ANO2: variants seen among roughly 807,000 people sequenced by gnomAD.
ANO2 encodes anoctamin 2.
Under a neutral mutation model 124.2 loss-of-function variants are expected in ANO2, and 101 were observed. The ratio of observed to expected loss-of-function variants is 0.81; its 90% CI spans 0.69 to 0.96. The LOEUF is 0.96. Among genes scored for constraint, ANO2 ranks in the 40% least tolerant of loss-of-function variants. The pLI is 0.00. For missense variants in ANO2, 1,293 were observed against 1,274.5 expected (o/e 1.01, Z -0.22); for synonymous variants, 486 against 482.5 (o/e 1.01, Z -0.09).
At chr12:5,853,534 C>T (rs1350905312) in intron 4 of ANO2, among the ~76,000 whole-genome samples, 1 of 152,018 alleles carries the variant, frequency 6.6e-6, no homozygotes, top group African/African-American at 2.4e-5. Flanking sequence ...TTAATCAATT[C>T]ACCTGATTAA....
At chr12:5,683,716 G>A (rs927140115) in intron 14 of ANO2, among the ~76,000 whole-genome samples, 1 of 152,060 alleles carries the variant, frequency 6.6e-6, no homozygotes, top group African/African-American at 2.4e-5. Context: ...GTAGACTACA[G>A]AGTCACCAAA....
chr12:5,898,839 T>A (rs1289045527), intron 3 of ANO2, among the ~76,000 whole-genome samples: 1 of 152,214 alleles, frequency 6.6e-6, no homozygotes, highest in East Asian at 1.9e-4. Flanking sequence ...CACTCAGTGA[T>A]AATTCACCAA....
rs12369190 is a variant in ANO2 at position 5,761,172 on chromosome 12, G to A, written c.1056-10202C>T. ...AATACTCATCCAAAACTCCTTCTTA[G>A]AGAAAACCTACATTTTCTTCCAGTC... On this transcript the variant is annotated intron_variant, in intron 10 of 24. Coordinates refer to ENST00000682330, the MANE Select transcript of ANO2 (RefSeq NM_001364791.2). Among the ~76,000 whole-genome samples, 242 of 151,570 alleles carry A rather than the reference G, an allele frequency of 1.6e-3. 1 individual carries two copies. The highest frequency in any genetic ancestry group is 5.7e-3 in the African/African-American group (234 of 41,318).
At chr12:5,888,609 A>G (rs1939145205) in intron 3 of ANO2, among the ~76,000 whole-genome samples, 1 of 152,198 alleles carries the variant, frequency 6.6e-6, no homozygotes, top group African/African-American at 2.4e-5. Flanking sequence ...GATTAGCTAG[A>G]CACAGAGTGT....
intron 10 of ANO2, among the ~76,000 whole-genome samples, chr12:5,766,944 C>T (rs1390378275): frequency 3.3e-5 from 5 of 152,194 alleles, no homozygotes; most frequent in Non-Finnish European, 7.3e-5. Flanking sequence ...GGCTGGCATT[C>T]GGCAGCACAG....
chr12:5,841,234 C>A (rs1271614997), intron 4 of ANO2, among the ~76,000 whole-genome samples: 1 of 152,214 alleles, frequency 6.6e-6, no homozygotes, highest in Non-Finnish European at 1.5e-5. Context: ...GCGCCAGGAG[C>A]AGCCAAGGTC....
chr12:5,776,287 A>T (rs1952230431), intron 10 of ANO2, among the ~76,000 whole-genome samples: 1 of 152,164 alleles, frequency 6.6e-6, no homozygotes, highest in Non-Finnish European at 1.5e-5. Flanking sequence ...TCGACGACTG[A>T]CTCAGAGCCA....
At chr12:5,934,950 A>G (rs1233757988) in intron 1 of ANO2, among the ~76,000 whole-genome samples, 1 of 152,194 alleles carries the variant, frequency 6.6e-6, no homozygotes, top group Non-Finnish European at 1.5e-5. Flanking sequence ...AGCTCTTCCA[A>G]TCATAGCTCC....
chr12:5,621,632 G>A (rs181338373), intron 16 of ANO2, among the ~76,000 whole-genome samples: 11 of 152,286 alleles, frequency 7.2e-5, no homozygotes, highest in African/African-American at 4.8e-5. Context: ...TGACCTCTTC[G>A]TGTGCCTCTC....
intron 19 of ANO2, among the ~76,000 whole-genome samples, chr12:5,607,279 G>T: frequency 6.6e-6 from 1 of 152,232 alleles, no homozygotes; most frequent in Non-Finnish European, 1.5e-5. Flanking sequence ...AAACACAAAA[G>T]CCTATGCCAC....
chr12:5,868,639 A>G (rs1955494853), intron 3 of ANO2, among the ~76,000 whole-genome samples: 1 of 152,060 alleles, frequency 6.6e-6, no homozygotes, highest in Admixed American at 6.5e-5. Context: ...TTTTTCCTAG[A>G]AAAAGCTGGC....
chr12:5,780,368 A>G (rs912978697), intron 10 of ANO2, among the ~76,000 whole-genome samples: 5 of 152,328 alleles, frequency 3.3e-5, no homozygotes, highest in African/African-American at 1.2e-4. Context: ...CACATCTTAT[A>G]AATCTGAAAT....
intron 3 of ANO2, among the ~76,000 whole-genome samples, chr12:5,877,274 G>A (rs966916798): frequency 6.6e-6 from 1 of 152,188 alleles, no homozygotes; most frequent in African/African-American, 2.4e-5. Context: ...GCAGAGATTG[G>A]AGTGAAGGAC....
At chr12:5,873,581 CATGT>C (rs1269091613) in intron 3 of ANO2, among the ~76,000 whole-genome samples, 2 of 152,222 alleles carry the variant, frequency 1.3e-5, no homozygotes, top group Non-Finnish European at 2.9e-5. Flanking sequence ...CTGGGAGGAG[CATGT>C]CCTGGCGATT....
chr12:5,805,324 C>T (rs1210465638), intron 9 of ANO2, among the ~76,000 whole-genome samples: 8 of 152,134 alleles, frequency 5.3e-5, no homozygotes, highest in Non-Finnish European at 1.2e-4. Context: ...CCCACCATCG[C>T]CCACCCTCCT....
intron 1 of ANO2, among the ~76,000 whole-genome samples, chr12:5,929,935 C>T (rs1417745434): frequency 1.4e-5 from 2 of 145,518 alleles, no homozygotes; most frequent in Non-Finnish European, 3.0e-5. Context: ...TTTCCTCTCT[C>T]GTCTGCCTTC....
intron 14 of ANO2, among the ~76,000 whole-genome samples, chr12:5,697,388 C>T (rs1949225804): frequency 6.6e-6 from 1 of 151,866 alleles, no homozygotes; most frequent in South Asian, 2.1e-4. Flanking sequence ...GCCGAGATCC[C>T]ACCACTGCAC....
chr12:5,712,717 A>G (rs766201767), intron 14 of ANO2, among the ~76,000 whole-genome samples: 24 of 152,162 alleles, frequency 1.6e-4, no homozygotes, highest in Non-Finnish European at 3.2e-4. Context: ...GACCTCCCAG[A>G]GCAGATGTCA....
intron 1 of ANO2, among the ~76,000 whole-genome samples, chr12:5,940,420 C>A (rs1315054845): frequency 6.6e-6 from 1 of 152,180 alleles, no homozygotes; most frequent in Non-Finnish European, 1.5e-5. Flanking sequence ...CACACAGAAG[C>A]CGTCCAAGTG....
Sources: gnomAD v4.1 joint callset for allele counts (sites outside exome capture counted in the v4.1 genomes callset) on GRCh38, gnomAD v4.1.1 for gene constraint, MANE v1.5 for transcripts, NCBI Gene and HGNC (gene_info 2026-07-23, HGNC 2026-07-21) for gene names.